Variants in RBFOX1 observed in about 807,000 individuals in gnomAD.
RBFOX1 encodes RNA binding fox-1 homolog 1, also known as RNA binding protein fox-1 homolog 1.
RBFOX1 carries 8 observed loss-of-function variants against 57.7 expected under a neutral mutation model. The ratio of observed to expected loss-of-function variants is 0.14; its 90% CI spans 0.08 to 0.25. The LOEUF (loss-of-function observed/expected upper bound fraction) is 0.25, where lower values mean the gene tolerates loss of function less well. Ranked by LOEUF, RBFOX1 falls within the 10% of genes least tolerant of loss-of-function variation. The pLI is 1.00. For missense variants in RBFOX1, 611 were observed against 548.5 expected (o/e 1.11, Z -1.14); for synonymous variants, 326 against 222.4 (o/e 1.47, Z -4.15).
intron 1 of RBFOX1, among the ~76,000 whole-genome samples, chr16:6,132,951 C>A (rs940740011): frequency 1.4e-5 from 2 of 143,786 alleles, no homozygotes; most frequent in South Asian, 2.2e-4. Flanking sequence ...GGCAACAGAA[C>A]GAGACTCTGT....
intron 2 of RBFOX1, among the ~76,000 whole-genome samples, chr16:6,602,436 A>G (rs901257805): frequency 1.3e-5 from 2 of 152,178 alleles, no homozygotes; most frequent in Non-Finnish European, 2.9e-5. Context: ...CTCTAGAGCA[A>G]GAAGGGAAGG....
At chr16:6,614,540 C>G (rs1285723783) in intron 2 of RBFOX1, among the ~76,000 whole-genome samples, 5 of 152,162 alleles carry the variant, frequency 3.3e-5, no homozygotes, top group South Asian at 2.1e-4. Context: ...GTATCACAGA[C>G]TGGACGACTT....
intron 3 of RBFOX1, among the ~76,000 whole-genome samples, chr16:5,645,830 T>A (rs1340769119): frequency 6.6e-6 from 1 of 152,282 alleles, no homozygotes; most frequent in East Asian, 1.9e-4. Context: ...CACATCTGGC[T>A]AATTTTTTTA....
intron 4 of RBFOX1, among the ~76,000 whole-genome samples, chr16:7,307,030 A>G (rs187978836): frequency 1.3e-5 from 2 of 152,356 alleles, no homozygotes; most frequent in Non-Finnish European, 2.9e-5. Context: ...ATTTATGATA[A>G]GTAACACCTT....
At chr16:7,001,611 C>G (rs906981816) in intron 3 of RBFOX1, among the ~76,000 whole-genome samples, 1 of 152,048 alleles carries the variant, frequency 6.6e-6, no homozygotes, top group African/African-American at 2.4e-5. Flanking sequence ...CACGTGCCAT[C>G]ACACCCTGCT....
At chr16:5,595,069 C>G (rs2047138680) in intron 2 of RBFOX1, among the ~76,000 whole-genome samples, 1 of 151,598 alleles carries the variant, frequency 6.6e-6, no homozygotes. Context: ...TTGTTTGAAC[C>G]TGGGAGGTGG....
intron 3 of RBFOX1, among the ~76,000 whole-genome samples, chr16:6,679,692 C>A (rs750991390): frequency 6.6e-6 from 1 of 152,080 alleles, no homozygotes; most frequent in African/African-American, 2.4e-5. Context: ...AACTAACCAC[C>A]ACACCATACA....
At chr16:5,303,889 C>A (rs1426200620) in intron 1 of RBFOX1, among the ~76,000 whole-genome samples, 1 of 152,068 alleles carries the variant, frequency 6.6e-6, no homozygotes, top group Non-Finnish European at 1.5e-5. Context: ...AGGCCCACAC[C>A]CTGCATATCA....
intron 1 of RBFOX1, among the ~76,000 whole-genome samples, chr16:6,151,053 A>G (rs970148661): frequency 1.3e-5 from 2 of 152,126 alleles, no homozygotes; most frequent in African/African-American, 4.8e-5. Flanking sequence ...AATCTACAAG[A>G]TCCTACTAGA....
At chr16:5,360,242 G>A (rs1284516100) in intron 1 of RBFOX1, among the ~76,000 whole-genome samples, 2 of 152,240 alleles carry the variant, frequency 1.3e-5, no homozygotes, top group Non-Finnish European at 2.9e-5. Context: ...CTGCTGACAT[G>A]TTGTGGGAAG....
intron 3 of RBFOX1, among the ~76,000 whole-genome samples, chr16:5,855,076 T>C (rs1341405761): frequency 6.6e-6 from 1 of 152,212 alleles, no homozygotes; most frequent in Non-Finnish European, 1.5e-5. Flanking sequence ...TGTATGTGTG[T>C]TTTTTTCTGC....
At position 6,450,820 on chromosome 16, in the gene RBFOX1, T is replaced by TAC. The variant is rs1567303536; in HGVS notation, c.-64+133764_-64+133765insCA. On this transcript the variant is annotated intron_variant, in intron 2 of 15. Coordinates refer to ENST00000550418, the MANE Select transcript of RBFOX1 (RefSeq NM_018723.4). ...ATATATGTATATATATATATATACA[T>TAC]ATATATATATATATATGTGTATATA... 2.4e-3 allele frequency among the ~76,000 whole-genome samples: 52 copies of TAC among 21,554 alleles called. 5 individuals carry two copies. Among genetic ancestry groups the TAC allele is most frequent in the African/African-American group, 0.01 (43 of 4,124 alleles). The allele number at this position is 21,554 out of a possible 152,430, so 14.1% of individuals were successfully genotyped here. A position where few individuals can be genotyped will look rare whatever the true frequency, so the allele number is the denominator to read the frequency against.
chr16:5,834,306 T>G (rs2056380375), intron 3 of RBFOX1, among the ~76,000 whole-genome samples: 1 of 152,194 alleles, frequency 6.6e-6, no homozygotes, highest in Non-Finnish European at 1.5e-5. Context: ...TGTATACCCC[T>G]GGGTACCTGT....
chr16:7,342,400 T>C (rs1039673259), intron 4 of RBFOX1, among the ~76,000 whole-genome samples: 1 of 152,146 alleles, frequency 6.6e-6, no homozygotes, highest in African/African-American at 2.4e-5. Context: ...TGAGCACCCA[T>C]GGTTTCAACC....
At chr16:7,467,682 A>G (rs2060776818) in intron 4 of RBFOX1, among the ~76,000 whole-genome samples, 1 of 152,210 alleles carries the variant, frequency 6.6e-6, no homozygotes, top group Non-Finnish European at 1.5e-5. Context: ...TTGTATACCT[A>G]CAGAAAAGTG....
chr16:6,193,379 T>TATATA (rs1555545337), intron 1 of RBFOX1, among the ~76,000 whole-genome samples: 2 of 63,130 alleles, frequency 3.2e-5, no homozygotes, highest in African/African-American at 5.1e-5. Flanking sequence ...TATATATACA[T>TATATA]TATATATATA....
At chr16:7,242,631 A>C (rs1370488994) in intron 4 of RBFOX1, among the ~76,000 whole-genome samples, 2 of 152,218 alleles carry the variant, frequency 1.3e-5, no homozygotes, top group East Asian at 3.9e-4. Flanking sequence ...CAGCTGCAGG[A>C]TGCTCAGCAT....
At chr16:6,758,407 C>T (rs2076131043) in intron 3 of RBFOX1, among the ~76,000 whole-genome samples, 3 of 152,116 alleles carry the variant, frequency 2.0e-5, no homozygotes, top group African/African-American at 7.2e-5. Flanking sequence ...AGCTATTTGT[C>T]ATAGCAACGG....
intron 14 of RBFOX1, among the ~76,000 whole-genome samples, chr16:7,705,568 G>A (rs1359931983): frequency 6.6e-6 from 1 of 152,172 alleles, no homozygotes; most frequent in African/African-American, 2.4e-5. Flanking sequence ...GAAGGAAGAT[G>A]AAGATTGAAA....
Sources: allele counts gnomAD v4.1 joint callset (sites outside exome capture counted in the v4.1 genomes callset), GRCh38; gene constraint gnomAD v4.1.1; transcripts MANE v1.5; gene names NCBI Gene and HGNC (gene_info 2026-07-23, HGNC 2026-07-21).